TTN: variants seen among roughly 807,000 people sequenced by gnomAD.
TTN encodes the protein connectin.
Under a neutral mutation model 3,223.0 loss-of-function variants are expected in TTN, and 1,525 were observed. The ratio of observed to expected loss-of-function variants is 0.47; its 90% confidence interval spans 0.45 to 0.49. TTN has a LOEUF of 0.49. Ranked by LOEUF, TTN falls within the 20% of genes least tolerant of loss-of-function variation. TTN has a pLI of 0.00. For missense variants in TTN, 40,786 were observed against 43,424.0 expected, an observed-to-expected ratio of 0.94 and a Z score of 5.40; for synonymous variants, 14,094 against 15,161.0, an observed-to-expected ratio of 0.93 and a Z score of 5.17.
Position 178,532,128 on chromosome 2 carries a change from T to A in TTN, c.104487A>T (p.Ser34829=), listed in dbSNP as rs768698974. 6.2e-7 allele frequency: 1 copy of A among 1,613,856 alleles called. No homozygotes were observed. Among genetic ancestry groups the A allele is most frequent in the Non-Finnish European group, 8.5e-7 (1 of 1,179,874 alleles). The change falls in exon 358 of 363, where the codon TCA becomes TCT. Residue 34829 remains serine (S), a synonymous_variant. Coordinates refer to ENST00000589042, the MANE Select transcript of TTN (RefSeq NM_001267550.2). ...YEISKHAQRE[S]SSSASRLLRR... ...TCAGTAGTCTAGACGCAGATGAGGA[T>A]GATTCTCTTTGAGCATGTTTTGAGA...
chr2:178,723,321 G>T lies in TTN; in HGVS notation c.21686C>A (p.Pro7229Gln), dbSNP rs375402191. The T allele has an allele frequency of 5.6e-6, 9 of 1,610,730 alleles. No homozygotes were observed. The African/African-American group carries it at 1.2e-4, about 22-fold the overall frequency. ...SCTTRLFVKE[P>Q]AAFLKRLSDH... ...ACTTAATCTCTTCAAAAATGCAGCT[G>T]GTTCTAGTAAGTGACAAAGCACAGC... Residue 7229 changes from proline (P) to glutamine (Q), a missense_variant, in exon 75 of 363, where the codon CCA (proline) becomes CAA (glutamine). Pro to Gln is a moderately conservative substitution (Grantham distance 76). Transcript: ENST00000589042.
intron 343 of TTN, 54 bp from the exon 344 acceptor site, chr2:178,545,747 C>T: frequency 1.9e-6 from 3 of 1,597,774 alleles, no homozygotes; most frequent in Non-Finnish European, 2.6e-6. Flanking sequence ...ATTGATAAGA[C>T]TGCCCTTCTC....
chr2:178,645,969 T>G lies in TTN; in HGVS notation c.40359A>C (p.Pro13453=), dbSNP rs751336775. The G allele has an allele frequency of 1.9e-6, 3 of 1,587,584 alleles. No homozygotes were observed. The highest frequency in any genetic ancestry group is 1.7e-6 in the Non-Finnish European group (2 of 1,169,784). The change falls in exon 217 of 363, where the codon CCA becomes CCC. Residue 13453 remains proline, a synonymous_variant. Coordinates refer to ENST00000589042, the MANE Select transcript of TTN (RefSeq NM_001267550.2). ...TCACATCTTCCTTAGGTGGAGCAGG[T>G]GGAGGAGGTGGGGGTCTTGGTTTGA... ...PKLKPRPPPP[P]PAPPKEDVKE... is the part of the protein sequence containing the mutation.
At position 178,535,367 on chromosome 2, in the gene TTN, T is replaced by A. The variant is rs1690954165; in HGVS notation, c.101248A>T (p.Ile33750Phe). 4 of 1,613,980 alleles carry A rather than the reference T, an allele frequency of 2.5e-6. No homozygotes were observed. The change falls in exon 358 of 363, where the codon ATC becomes TTC. Residue 33750 changes from isoleucine (I) to phenylalanine (F), a missense_variant. Coordinates refer to ENST00000589042, the MANE Select transcript of TTN (RefSeq NM_001267550.2). The part of the protein sequence containing the change: ...GQARETRYTV[I>F]NLFGKTSYQF... ...TAACTTGTTTTTCCAAATAAGTTGA[T>A]CACGGTATAACGTGTTTCTCGGGCC... is the stretch of plus-strand genomic sequence containing the variant.
At chr2:178,790,146 T>A in intron 11 of TTN, 31 bp from the exon 12 acceptor site, 1 of 1,600,980 alleles carries the variant, frequency 6.2e-7, no homozygotes, top group Non-Finnish European at 8.5e-7. Flanking sequence ...AAGAAAATAG[T>A]CATTAAATTC....
chr2:178,578,798 A>C lies in TTN; in HGVS notation c.68224+8T>G. The C allele has an allele frequency of 6.2e-7, 1 of 1,608,632 alleles. No individual in the cohort carries two copies. The highest frequency in any genetic ancestry group is 8.5e-7 in the Non-Finnish European group (1 of 1,177,464). On this transcript the variant is annotated splice_region_variant and intron_variant, in intron 320 of 362. Transcript: ENST00000589042. ...TTGCTTTACGTCTTCTGAATTTAAG[A>C]CACTTACCAAATGGATGTCTCGCAA...
At position 178,767,920 on chromosome 2, in the gene TTN, T is replaced by C. The variant is rs2154341451; in HGVS notation, c.9310A>G (p.Lys3104Glu). 6.2e-7 allele frequency: 1 copy of C among 1,614,060 alleles called. No individual in the cohort carries two copies. Among genetic ancestry groups the C allele is most frequent in the Non-Finnish European group, 8.5e-7 (1 of 1,179,984 alleles). The part of the protein sequence containing the change: ...DQELQITDRI[K>E]IQKEKYVHRL... Reference sequence around the variant, plus strand: ...TGGACATATTTCTCCTTCTGAATCTTTATTCTATGGATGAAATGGAAATTC... The same window carrying C: ...TGGACATATTTCTCCTTCTGAATCTCTATTCTATGGATGAAATGGAAATTC... Residue 3104 changes from lysine to glutamate, a missense_variant, in exon 40 of 363, where the codon AAG becomes GAG. By Grantham distance (56) the Lys-to-Glu change is moderately conservative. Coordinates refer to ENST00000589042, the MANE Select transcript of TTN (RefSeq NM_001267550.2).
At position 178,557,825 on chromosome 2, in the gene TTN, T is replaced by C. The variant is rs765090108; in HGVS notation, c.87529A>G (p.Lys29177Glu). ...GSQVTNYILL[K>E]RETSTAVWTE... The stretch of plus-strand genomic sequence containing the variant: ...CACACTGCAGTACTTGTTTCTCTTT[T>C]GAGTAGAATGTAGTTGGTAACTTGA... Residue 29177 changes from lysine (K) to glutamate (E), a missense_variant, in exon 328 of 363, where the codon AAA (lysine) becomes GAA (glutamate). Lys to Glu is a moderately conservative substitution (Grantham distance 56, BLOSUM62 1). Coordinates refer to ENST00000589042, the MANE Select transcript of TTN (RefSeq NM_001267550.2). 1 of 1,613,998 alleles carries C rather than the reference T, an allele frequency of 6.2e-7. No homozygotes were observed. Among genetic ancestry groups the C allele is most frequent in the Admixed American group, 1.7e-5 (1 of 60,030 alleles).
Position 178,549,023 on chromosome 2 carries a change from C to T in TTN, c.92603G>A (p.Trp30868Ter), listed in dbSNP as rs2154147843. The change falls in exon 339 of 363, where the codon TGG becomes TAG. Residue 30868 changes from tryptophan to a stop codon, truncating the protein, a stop_gained. Coordinates refer to ENST00000589042, the MANE Select transcript of TTN (RefSeq NM_001267550.2). LOFTEE classifies it high-confidence loss of function. ...ACATGCCTCTGCATTCACCTTGTGCCAGTCTCCTAAGTCGGCCTTACACAT... is the reference window on the plus strand; with the variant it reads ...ACATGCCTCTGCATTCACCTTGTGCTAGTCTCCTAAGTCGGCCTTACACAT... ...IEMCKADLGD[W>*]HKVNAEACVK... The T allele has an allele frequency of 6.2e-7, 1 of 1,613,906 alleles. No individual in the cohort carries two copies. Among genetic ancestry groups the T allele is most frequent in the Non-Finnish European group, 8.5e-7 (1 of 1,179,836 alleles).
chr2:178,770,413 C>T lies in TTN; in HGVS notation c.8379G>A (p.Glu2793=). 2 of 1,614,162 alleles carry T rather than the reference C, an allele frequency of 1.2e-6. No homozygotes were observed. The highest frequency in any genetic ancestry group is 4.5e-5 in the East Asian group (2 of 44,862). The stretch of plus-strand genomic sequence containing the variant: ...AAAAGTGTTTCTAAATCAACTTACT[C>T]TCCACGTGCAGTCTGGCACTGGCTC... The part of the protein sequence containing the change: ...RLGASARLHV[E]TVKIIKKPKD... The change falls in exon 35 of 363, where the codon GAG becomes GAA. Residue 2793 remains glutamate (E), a splice_region_variant and synonymous_variant. Coordinates refer to ENST00000589042, the MANE Select transcript of TTN (RefSeq NM_001267550.2).
rs115150240 is a variant in TTN, at chr2:178,532,201, C to A, written c.104414G>T (p.Arg34805Leu). ...KEEKSRKKSR[R>L]QREVTEITEI... is the part of the protein sequence containing the mutation. ...TGTTATTTCTGTCACTTCTCTTTGT[C>A]GCCTTGATTTCTTTCTAGACTTTTC... The change falls in exon 358 of 363, where the codon CGA (arginine) becomes CTA (leucine). Residue 34805 changes from arginine to leucine, a missense_variant. By Grantham distance (102) the Arg-to-Leu change is moderately radical. Coordinates refer to ENST00000589042, the MANE Select transcript of TTN (RefSeq NM_001267550.2). 2 of 1,613,520 alleles carry A rather than the reference C, an allele frequency of 1.2e-6. No homozygotes were observed. The highest frequency in any genetic ancestry group is 1.7e-6 in the Non-Finnish European group (2 of 1,179,858).
At position 178,536,959 on chromosome 2, in the gene TTN, C is replaced by T; in HGVS notation, c.100150G>A (p.Val33384Met). The T allele has an allele frequency of 1.9e-6, 3 of 1,612,658 alleles. No homozygotes were observed. The highest frequency in any genetic ancestry group is 2.5e-6 in the Non-Finnish European group (3 of 1,179,130). ...TCACCAAATGGACTCTTAATGATCA[C>T]AACTGAGGACACTTCTAGAGGGTCA... is the stretch of plus-strand genomic sequence containing the variant. ...ISDPLEVSSV[V>M]IIKSPFEKPG... is the part of the protein sequence containing the mutation. Residue 33384 changes from valine (V) to methionine (M), a missense_variant, in exon 356 of 363, where the codon GTG becomes ATG. Transcript: ENST00000589042.
At chr2:178,612,616 TA>T in intron 265 of TTN, 40 bp from the exon 266 acceptor site, 5 of 1,483,338 alleles carry the variant, frequency 3.4e-6, no homozygotes, top group Non-Finnish European at 4.6e-6. Flanking sequence ...TTTTTTTTTT[TA>T]TTACCCAATA....
At position 178,674,370 on chromosome 2, in the gene TTN, T is replaced by G. The variant is rs878927171; in HGVS notation, c.34652A>C (p.Glu11551Ala). Reference sequence around the variant, plus strand: ...TATGCTAGGTGGTTCTTCTGGGATTTCTTCTTCTGAAATAGGCTCTTCTTC... The same window carrying G: ...TATGCTAGGTGGTTCTTCTGGGATTGCTTCTTCTGAAATAGGCTCTTCTTC... ...EPEEEPISEE[E>A]IPEEPPSIEE... Residue 11551 changes from glutamate to alanine, a missense_variant, in exon 151 of 363, where the codon GAA becomes GCA. Transcript: ENST00000589042. 2 of 1,596,770 alleles carry G rather than the reference T, an allele frequency of 1.3e-6. No homozygotes were observed. Among genetic ancestry groups the G allele is most frequent in the African/African-American group, 2.7e-5 (2 of 74,470 alleles).
chr2:178,613,645 A>C, intron 263 of TTN, 106 bp downstream of exon 263: 1 of 1,213,352 alleles, frequency 8.2e-7, no homozygotes, highest in South Asian at 2.1e-5. Context: ...AAGTAGTTTA[A>C]AATTTTTTTA....
intron 88 of TTN, among the ~76,000 whole-genome samples, chr2:178,716,373 A>G (rs2077481330): frequency 6.6e-6 from 1 of 152,156 alleles, no homozygotes; most frequent in African/African-American, 2.4e-5. Context: ...TAGGGAAGTA[A>G]AAGTGATTAG....
Position 178,757,770 on chromosome 2 carries a change from A to T in TTN, c.10450T>A (p.Phe3484Ile), listed in dbSNP as rs1031005572. Residue 3484 changes from phenylalanine to isoleucine, a missense_variant, in exon 45 of 363, where the codon TTT (phenylalanine) becomes ATT (isoleucine). Transcript: ENST00000589042. ...GGAATGCCAGAAACCCTCGCATGAA[A>T]TCTGACTGTCTCCCCGTTGTGCACC... is the stretch of plus-strand genomic sequence containing the variant. ...LRVHNGETVR[F>I]HARVSGIPKP... 6.2e-7 allele frequency: 1 copy of T among 1,613,670 alleles called. No individual in the cohort carries two copies. The highest frequency in any genetic ancestry group is 1.3e-5 in the African/African-American group (1 of 74,904).
rs760032120 is a variant in TTN at position 178,612,909 on chromosome 2, C to A, written c.49812G>T (p.Gly16604=). Reference sequence around the variant, plus strand: ...GGAGCAAGTGCTGAGTGGTGGGAACCCCTTCCGCCACTCTGACCCACTCAT... The same window carrying A: ...GGAGCAAGTGCTGAGTGGTGGGAACACCTTCCGCCACTCTGACCCACTCAT... ...GTDEWVRVAE[G]VPTTQHLLPG... Residue 16604 remains glycine (G), a synonymous_variant, in exon 265 of 363, where the codon GGG becomes GGT. Transcript: ENST00000589042. The A allele has an allele frequency of 1.2e-6, 2 of 1,612,446 alleles. No individual in the cohort carries two copies. The highest frequency in any genetic ancestry group is 3.3e-5 in the Admixed American group (2 of 59,888).
At chr2:178,650,076 C>G (rs1055281306) in intron 210 of TTN, 88 bp downstream of exon 210, 3 of 1,334,236 alleles carry the variant, frequency 2.2e-6, no homozygotes, top group Non-Finnish European at 3.1e-6. Context: ...CAACAAGATA[C>G]AAGACTGATA....
Sources: allele counts gnomAD v4.1 joint callset (sites outside exome capture counted in the v4.1 genomes callset), GRCh38; gene constraint gnomAD v4.1.1; transcripts MANE v1.5; gene names NCBI Gene and HGNC (gene_info 2026-07-23, HGNC 2026-07-21).